The following SNX1 variants were observed in gnomAD, a reference collection of about 807,000 sequenced individuals.
The protein encoded by SNX1 is sorting nexin-1.
A neutral mutation model predicts 71.8 loss-of-function variants in SNX1; 36 were observed. The observed-to-expected ratio is 0.50, with a 90% CI of 0.38 to 0.66. SNX1 has a LOEUF of 0.66. Ranked by LOEUF, SNX1 falls within the 30% of genes least tolerant of loss-of-function variation. SNX1 has a pLI of 0.00. For synonymous variants in SNX1, 254 were observed against 240.7 expected, an observed-to-expected ratio of 1.06 and a Z score of -0.51; for missense variants, 612 against 646.7, an observed-to-expected ratio of 0.95 and a Z score of 0.58.
At position 64,131,750 on chromosome 15, in the gene SNX1, A is replaced by G. The variant is rs759652092; in HGVS notation, c.1079A>G (p.Asn360Ser). 2 of 1,614,206 alleles carry G rather than the reference A, an allele frequency of 1.2e-6. No individual in the cohort carries two copies. The highest frequency in any genetic ancestry group is 3.3e-5 in the Admixed American group (2 of 60,022). Residue 360 changes from asparagine to serine, a missense_variant, in exon 11 of 15, where the codon AAC becomes AGC. This residue lies in a region of SNX1 where 296 missense variants were observed against 361.9 expected (regional missense o/e 0.82). Coordinates refer to ENST00000559844, the MANE Select transcript of SNX1 (RefSeq NM_003099.5). Reference sequence around the variant, plus strand: ...GCCATGCTTGGGAGCTCTGAGGACAACACGGCATTGTCACGGGCACTCTCC... The same window carrying G: ...GCCATGCTTGGGAGCTCTGAGGACAGCACGGCATTGTCACGGGCACTCTCC... The part of the protein sequence containing the change: ...SLAMLGSSED[N>S]TALSRALSQL...
Position 64,142,265 on chromosome 15 carries a change from T to G in SNX1, c.*4647T>G. 5.5e-6 allele frequency: 1 copy of G among 183,106 alleles called. No homozygotes were observed. The highest frequency in any genetic ancestry group is 1.1e-5 in the Non-Finnish European group (1 of 87,240). 11.3% of individuals were successfully genotyped at this position (183,106 alleles called of 1,614,324 possible). On this transcript the variant is annotated 3_prime_UTR_variant, in exon 15 of 15. Transcript: ENST00000559844. ...ATCACCTGAGCCCAGGAGGTTGAGG[T>G]TGCAGTGAGCTACAGTTGCGCCACT...
chr15:64,096,716 G>A (rs1421987555), intron 1 of SNX1, among the ~76,000 whole-genome samples: 6 of 152,154 alleles, frequency 3.9e-5, no homozygotes, highest in Non-Finnish European at 8.8e-5. Flanking sequence ...GGAAAATCAG[G>A]CCAGAGGCTG....
Position 64,126,213 on chromosome 15 carries a change from C to T in SNX1, c.645C>T (p.Ser215=). The part of the protein sequence containing the change: ...GFIVPPPPEK[S]LIGMTKVKVG... ...TTGTCCCTCCGCCCCCGGAGAAGAG[C>T]CTCATAGGTAAGCCTGTGGTCTTTC... Residue 215 remains serine (S), a synonymous_variant, in exon 6 of 15, where the codon AGC becomes AGT. Transcript: ENST00000559844. The T allele has an allele frequency of 6.2e-7, 1 of 1,613,402 alleles. No individual in the cohort carries two copies. The highest frequency in any genetic ancestry group is 8.5e-7 in the Non-Finnish European group (1 of 1,179,854).
intron 1 of SNX1, among the ~76,000 whole-genome samples, chr15:64,102,285 A>G (rs1324904849): frequency 6.6e-6 from 1 of 152,142 alleles, no homozygotes; most frequent in Non-Finnish European, 1.5e-5. Context: ...ATATAGTTGT[A>G]CATATTTTTA....
Position 64,129,901 on chromosome 15 carries a change from T to C in SNX1, c.808-15T>C, listed in dbSNP as rs1309321793. The C allele has an allele frequency of 6.2e-7, 1 of 1,600,298 alleles. No homozygotes were observed. The highest frequency in any genetic ancestry group is 8.6e-7 in the Non-Finnish European group (1 of 1,167,546). On this transcript the variant is annotated splice_polypyrimidine_tract_variant and intron_variant, in intron 8 of 14. Transcript: ENST00000559844. The surrounding 1 kb of genome is among the most constrained non-coding windows in gnomAD (Gnocchi z 4.4). ...CAGCAGATAACTTGCCATCCCTGCC[T>C]TCTTGGTCTTGTAGCTGCCACGTGC...
rs2081396408 is a variant in SNX1 at position 64,139,865 on chromosome 15, C to T, written c.*2247C>T. The T allele has an allele frequency of 6.6e-6, 1 of 152,058 alleles. No homozygotes were observed. The highest frequency in any genetic ancestry group is 2.4e-5 in the African/African-American group (1 of 41,376). The allele number at this position is 152,058 out of a possible 1,614,324, so 9.4% of individuals were successfully genotyped here. A position where few individuals can be genotyped will look rare whatever the true frequency, so the allele number is the denominator to read the frequency against. On this transcript the variant is annotated 3_prime_UTR_variant, in exon 15 of 15. Transcript: ENST00000559844. ...CCATGACATTTTTGAAGAATACAGG[C>T]TATTTTGTCGAATGTTCCTCAGTTT...
At chr15:64,127,563 A>G (rs1299777090) in intron 7 of SNX1, among the ~76,000 whole-genome samples, 168 bp from the exon 8 acceptor site, 2 of 152,192 alleles carry the variant, frequency 1.3e-5, no homozygotes, top group South Asian at 2.1e-4. Context: ...AATGTCAGGA[A>G]TGTGAACTTG....
In SNX1 at chr15:64,134,898, G is replaced by C; in HGVS notation, c.1365+91G>C. 1 of 1,515,468 alleles carries C rather than the reference G, an allele frequency of 6.6e-7. No individual in the cohort carries two copies. Among genetic ancestry groups the C allele is most frequent in the Non-Finnish European group, 8.9e-7 (1 of 1,119,974 alleles). 93.9% of individuals were successfully genotyped at this position (1,515,468 alleles called of 1,614,324 possible). A position where few individuals can be genotyped will look rare whatever the true frequency, so the allele number is the denominator to read the frequency against. On this transcript the variant is annotated intron_variant, in intron 12 of 14. Coordinates refer to ENST00000559844, the MANE Select transcript of SNX1 (RefSeq NM_003099.5). This position sits in a 1 kb window ranked among gnomAD's most constrained non-coding sequence, Gnocchi z 4.1. Reference sequence around the variant, plus strand: ...CCACCCAGAGGTTTGGAACCCCACAGGGGGAAGAGCGCTGATTGAGTCTAA... The same window carrying C: ...CCACCCAGAGGTTTGGAACCCCACACGGGGAAGAGCGCTGATTGAGTCTAA...
rs1423893231 is a variant in SNX1, at chr15:64,143,023, A to T, written c.*5405A>T. ...GGAGGGCGTGTCTTTTGCCGAGCACACTCAGGGCCCACGGGAAGCCCATAG... is the reference window on the plus strand; with the variant it reads ...GGAGGGCGTGTCTTTTGCCGAGCACTCTCAGGGCCCACGGGAAGCCCATAG... On this transcript the variant is annotated 3_prime_UTR_variant, in exon 15 of 15. Transcript: ENST00000559844. The T allele has an allele frequency of 5.2e-6, 1 of 192,392 alleles. No homozygotes were observed. Among genetic ancestry groups the T allele is most frequent in the Admixed American group, 5.8e-5 (1 of 17,150 alleles). The allele number at this position is 192,392 out of a possible 1,614,324, so 11.9% of individuals were successfully genotyped here. A position where few individuals can be genotyped will look rare whatever the true frequency, so the allele number is the denominator to read the frequency against.
chr15:64,129,840 TG>T lies in SNX1; in HGVS notation c.808-75del. 1 of 1,064,836 alleles carries T rather than the reference TG, an allele frequency of 9.4e-7. No individual in the cohort carries two copies. The highest frequency in any genetic ancestry group is 1.5e-6 in the Non-Finnish European group (1 of 684,982). The allele number at this position is 1,064,836 out of a possible 1,614,324, so 66.0% of individuals were successfully genotyped here. A position where few individuals can be genotyped will look rare whatever the true frequency, so the allele number is the denominator to read the frequency against. On this transcript the variant is annotated intron_variant, in intron 8 of 14. Transcript: ENST00000559844. The surrounding 1 kb of genome is among the most constrained non-coding windows in gnomAD (Gnocchi z 4.4). ...GTCTGGCAAGTTTTGGCATGCCATC[TG>T]ATGGATACTAATTCTTCTGAACCTA... is the stretch of plus-strand genomic sequence containing the variant.
intron 1 of SNX1, among the ~76,000 whole-genome samples, chr15:64,103,534 G>A (rs1340829771): frequency 1.3e-5 from 2 of 152,082 alleles, no homozygotes; most frequent in African/African-American, 2.4e-5. Context: ...CTATTCTTTC[G>A]AGAATGTTTA....
chr15:64,098,809 C>T (rs1829893457), intron 1 of SNX1, among the ~76,000 whole-genome samples: 1 of 151,890 alleles, frequency 6.6e-6, no homozygotes, highest in South Asian at 2.1e-4. Flanking sequence ...TGTAAAAATC[C>T]TTTGCCTAAT....
At chr15:64,125,260 C>G (rs187850512) in intron 5 of SNX1, among the ~76,000 whole-genome samples, 236 of 151,982 alleles carry the variant, frequency 1.6e-3, no homozygotes, top group African/African-American at 5.6e-3. Flanking sequence ...GTCAGGAGTT[C>G]GAGAGCAGCC....
intron 6 of SNX1, 148 bp downstream of exon 6, chr15:64,126,368 C>G: frequency 3.2e-6 from 3 of 928,944 alleles, no homozygotes; most frequent in Non-Finnish European, 4.7e-6. Context: ...CACTGGAGGT[C>G]TAGAGAAAAA....
Position 64,136,314 on chromosome 15 carries a change from T to TCA in SNX1, c.1366-15_1366-14insAC, listed in dbSNP as rs1232100149. On this transcript the variant is annotated splice_polypyrimidine_tract_variant and intron_variant, in intron 12 of 14. Coordinates refer to ENST00000559844, the MANE Select transcript of SNX1 (RefSeq NM_003099.5). ...CCATAATATGAGGTGATCCTTTCTT[T>TCA]CCTCTTTCTTCCCAGTGGGAGTCTC... The TCA allele has an allele frequency of 4.4e-6, 7 of 1,604,958 alleles. No homozygotes were observed. Among genetic ancestry groups the TCA allele is most frequent in the Non-Finnish European group, 6.0e-6 (7 of 1,171,656 alleles).
At chr15:64,123,386 C>T in intron 4 of SNX1, 117 bp from the exon 5 acceptor site, 1 of 854,910 alleles carries the variant, frequency 1.2e-6, no homozygotes, top group Non-Finnish European at 1.9e-6. Context: ...GGAGATGAAA[C>T]AAGCATCCCT....
chr15:64,133,489 G>A (rs2081327498), intron 11 of SNX1, among the ~76,000 whole-genome samples: 1 of 152,202 alleles, frequency 6.6e-6, no homozygotes, highest in African/African-American at 2.4e-5. Flanking sequence ...CAGCACTTTG[G>A]GAGGCTGAGG....
At chr15:64,103,274 T>G (rs1197094621) in intron 1 of SNX1, among the ~76,000 whole-genome samples, 5 of 152,222 alleles carry the variant, frequency 3.3e-5, no homozygotes, top group African/African-American at 1.2e-4. Context: ...TTTAGTAATC[T>G]CCATACTGTT....
At chr15:64,112,315 A>T (rs996340202) in intron 1 of SNX1, among the ~76,000 whole-genome samples, 3 of 152,248 alleles carry the variant, frequency 2.0e-5, no homozygotes, top group African/African-American at 7.2e-5. Context: ...CTGTGTGTAC[A>T]CATACCCATG....
Sources: gnomAD v4.1 joint callset for allele counts (sites outside exome capture counted in the v4.1 genomes callset) on GRCh38, gnomAD v4.1.1 for gene constraint, gnomAD v4.1.1 regional missense constraint, Gnocchi (gnomAD v3.1) non-coding constraint, MANE v1.5 for transcripts, NCBI Gene and HGNC (gene_info 2026-07-23, HGNC 2026-07-21) for gene names.